Variants in KIF16B observed in about 807,000 individuals in gnomAD.
KIF16B encodes the protein kinesin family member 16B.
In KIF16B, 98 loss-of-function variants were observed where a neutral mutation model predicts 156.3. The ratio of observed to expected loss-of-function variants is 0.63; its 90% confidence interval spans 0.53 to 0.74. KIF16B has a LOEUF of 0.74. Ranked by LOEUF, KIF16B falls within the 30% of genes least tolerant of loss-of-function variation. The pLI, the probability that KIF16B is intolerant of heterozygous loss-of-function variation, is 0.00. For synonymous variants in KIF16B, 564 were observed against 583.7 expected, an observed-to-expected ratio of 0.97 and a Z score of 0.49; for missense variants, 1,421 against 1,606.5, an observed-to-expected ratio of 0.88 and a Z score of 1.97.
At position 16,507,948 on chromosome 20, in the gene KIF16B, C is replaced by G. The variant is rs1357276952; in HGVS notation, c.699+10G>C. 7 of 1,613,970 alleles carry G rather than the reference C, an allele frequency of 4.3e-6. No homozygotes were observed. The South Asian group carries it at 7.7e-5, about 18-fold the overall frequency. On this transcript the variant is annotated intron_variant, in intron 7 of 25. Coordinates refer to ENST00000354981, the MANE Select transcript of KIF16B (RefSeq NM_024704.5). Reference sequence around the variant, plus strand: ...GGGATGGAGCCAGCTGGTCCCGCAGCAGCCCTTACCTGAGTGAACTTGATG... The same window carrying G: ...GGGATGGAGCCAGCTGGTCCCGCAGGAGCCCTTACCTGAGTGAACTTGATG...
intron 24 of KIF16B, among the ~76,000 whole-genome samples, chr20:16,322,495 T>C (rs1229049862): frequency 6.6e-6 from 1 of 152,066 alleles, no homozygotes; most frequent in African/African-American, 2.4e-5. Flanking sequence ...TTGGGAATTA[T>C]GAAAGCGTTG....
At chr20:16,496,590 A>G (rs1263458937) in intron 11 of KIF16B, among the ~76,000 whole-genome samples, 1 of 152,218 alleles carries the variant, frequency 6.6e-6, no homozygotes, top group Non-Finnish European at 1.5e-5. Context: ...ATAGGCAGTC[A>G]TTTCTGTCAC....
At chr20:16,464,492 A>C (rs922769735) in intron 12 of KIF16B, among the ~76,000 whole-genome samples, 5 of 152,210 alleles carry the variant, frequency 3.3e-5, no homozygotes, top group Non-Finnish European at 7.3e-5. Context: ...AAGTGACATA[A>C]ATTTTATTTT....
At chr20:16,424,081 G>A (rs1051931633) in intron 15 of KIF16B, among the ~76,000 whole-genome samples, 1 of 151,988 alleles carries the variant, frequency 6.6e-6, no homozygotes, top group Non-Finnish European at 1.5e-5. Context: ...TAGAGCCCTT[G>A]TCCCACTGCA....
In KIF16B at chr20:16,515,606, C is replaced by G. The variant is rs771696867; in HGVS notation, c.290G>C (p.Cys97Ser). 2.5e-6 allele frequency: 4 copies of G among 1,613,482 alleles called. No homozygotes were observed. In the East Asian group the frequency reaches 8.9e-5, roughly 36 times the overall value. Residue 97 changes from cysteine (C) to serine (S), a missense_variant, in exon 4 of 26, where the codon TGT (cysteine) becomes TCT (serine). Transcript: ENST00000354981. ...TCCAGTTTGCCCATATGCAAAGACA[C>G]AAGCATTATAACCTTCAAATGCAGA... ...VKSAFEGYNA[C>S]VFAYGQTGSG...
intron 12 of KIF16B, among the ~76,000 whole-genome samples, chr20:16,432,139 A>G (rs2066519910): frequency 6.6e-6 from 1 of 152,094 alleles, no homozygotes. Context: ...ATCTGACCCC[A>G]GACAAAAGAC....
intron 17 of KIF16B, among the ~76,000 whole-genome samples, chr20:16,403,349 A>G (rs2065703184): frequency 6.6e-6 from 1 of 152,248 alleles, no homozygotes. Flanking sequence ...GGCAACTGCT[A>G]AAACTACTGT....
At chr20:16,556,000 T>C (rs1407174079) in intron 1 of KIF16B, among the ~76,000 whole-genome samples, 2 of 152,244 alleles carry the variant, frequency 1.3e-5, no homozygotes, top group Admixed American at 1.3e-4. Context: ...CAAGGTTCCC[T>C]TGGGGAAAAG....
chr20:16,551,647 A>G (rs2070670052), intron 1 of KIF16B, among the ~76,000 whole-genome samples: 1 of 152,212 alleles, frequency 6.6e-6, no homozygotes, highest in Non-Finnish European at 1.5e-5. Flanking sequence ...CTTGAAATCG[A>G]ATACACTACC....
At chr20:16,334,468 C>T (rs1156326909) in intron 24 of KIF16B, among the ~76,000 whole-genome samples, 2 of 152,162 alleles carry the variant, frequency 1.3e-5, no homozygotes, top group African/African-American at 4.8e-5. Context: ...GGAACAAATT[C>T]CCACTTGAAG....
chr20:16,474,128 C>G (rs1189821091), intron 12 of KIF16B, among the ~76,000 whole-genome samples: 4 of 152,178 alleles, frequency 2.6e-5, no homozygotes, highest in Non-Finnish European at 5.9e-5. Context: ...CTCTTAACAT[C>G]TATGTGTTTC....
At chr20:16,569,970 CTGTGTGTGTG>C (rs10602666) in intron 1 of KIF16B, among the ~76,000 whole-genome samples, 1 of 149,638 alleles carries the variant, frequency 6.7e-6, no homozygotes, top group Non-Finnish European at 1.5e-5. Context: ...ATAGATGAAT[CTGTGTGTGTG>C]TGTGTGTGTG....
At chr20:16,460,723 A>G (rs2067324513) in intron 12 of KIF16B, among the ~76,000 whole-genome samples, 1 of 152,204 alleles carries the variant, frequency 6.6e-6, no homozygotes, top group African/African-American at 2.4e-5. Context: ...ACTGATAGGA[A>G]GCAACGAAAA....
At chr20:16,567,225 G>A (rs757161276) in intron 1 of KIF16B, among the ~76,000 whole-genome samples, 8 of 152,138 alleles carry the variant, frequency 5.3e-5, no homozygotes, top group East Asian at 1.9e-4. Flanking sequence ...CTGAGCCCTT[G>A]TTCCTCATCT....
intron 12 of KIF16B, among the ~76,000 whole-genome samples, chr20:16,482,044 T>A (rs1180141354): frequency 4.6e-5 from 7 of 152,128 alleles, no homozygotes; most frequent in Admixed American, 4.6e-4. Flanking sequence ...GGATCCAGAA[T>A]AACAAAGGTG....
chr20:16,374,977 C>CGAAA, intron 19 of KIF16B, among the ~76,000 whole-genome samples: 1 of 152,112 alleles, frequency 6.6e-6, no homozygotes, highest in East Asian at 1.9e-4. Flanking sequence ...ACCAGGCATC[C>CGAAA]ACTTTGGGCT....
chr20:16,503,333 A>G (rs1450169535), intron 10 of KIF16B, among the ~76,000 whole-genome samples: 1 of 152,252 alleles, frequency 6.6e-6, no homozygotes, highest in East Asian at 1.9e-4. Flanking sequence ...AACTTCCACC[A>G]TAGAGCAAAA....
At chr20:16,309,553 G>C (rs1243960454) in intron 25 of KIF16B, among the ~76,000 whole-genome samples, 13 of 152,118 alleles carry the variant, frequency 8.5e-5, no homozygotes, top group Non-Finnish European at 1.8e-4. Context: ...TGCCAAAATG[G>C]TGTTTATGTC....
At chr20:16,529,531 T>C (rs1423245598) in intron 1 of KIF16B, among the ~76,000 whole-genome samples, 1 of 152,350 alleles carries the variant, frequency 6.6e-6, no homozygotes, top group African/African-American at 2.4e-5. Flanking sequence ...GTAAGTGCCA[T>C]TATTCTGAGA....
Sources: gnomAD v4.1 joint callset for allele counts (sites outside exome capture counted in the v4.1 genomes callset) on GRCh38, gnomAD v4.1.1 for gene constraint, MANE v1.5 for transcripts, NCBI Gene and HGNC (gene_info 2026-07-23, HGNC 2026-07-21) for gene names.